WASHC4: variants seen among roughly 807,000 people sequenced by gnomAD.
WASHC4 encodes the protein WASH complex subunit 7.
Under a neutral mutation model 166.6 loss-of-function variants are expected in WASHC4, and 86 were observed. The observed-to-expected ratio is 0.52, with a 90% CI of 0.43 to 0.62. WASHC4 has a LOEUF of 0.62. Ranked by LOEUF, WASHC4 falls within the 20% of genes least tolerant of loss-of-function variation. The pLI, the probability that WASHC4 is intolerant of heterozygous loss-of-function variation, is 0.00. For synonymous variants in WASHC4, 446 were observed against 451.6 expected (o/e 0.99, Z 0.16); for missense variants, 1,262 against 1,382.4 (o/e 0.91, Z 1.38).
At chr12:105,149,830 G>T (rs972568449) in intron 25 of WASHC4, 81 bp downstream of exon 25, 4 of 1,362,866 alleles carry the variant, frequency 2.9e-6, no homozygotes, top group African/African-American at 2.9e-5. Context: ...TCATTATTTA[G>T]ATCTCTATTG....
Position 105,126,279 on chromosome 12 carries a change from T to G in WASHC4, c.955T>G (p.Cys319Gly), listed in dbSNP as rs1191451750. 1 of 1,611,664 alleles carries G rather than the reference T, an allele frequency of 6.2e-7. No individual in the cohort carries two copies. ...IDQRDKYVGI[C>G]GLFVLHFQIF... ...CCAGAGAGACAAGTATGTTGGAATT[T>G]GTGGACTCTTTGTATTGCACTTTCA... is the stretch of plus-strand genomic sequence containing the variant. Residue 319 changes from cysteine (C) to glycine (G), a missense_variant, in exon 12 of 33, where the codon TGT (cysteine) becomes GGT (glycine). Physicochemically the swap from Cys to Gly is radical, Grantham distance 159. Transcript: ENST00000332180.
intron 10 of WASHC4, among the ~76,000 whole-genome samples, chr12:105,124,221 G>A (rs1292960739): frequency 1.3e-5 from 2 of 149,790 alleles, no homozygotes; most frequent in Non-Finnish European, 3.0e-5. Context: ...ACGGGTTCAA[G>A]CAATTCTCCT....
intron 24 of WASHC4, chr12:105,148,205 A>G: frequency 1.0e-6 from 1 of 985,284 alleles, no homozygotes; most frequent in Non-Finnish European, 1.2e-6. Flanking sequence ...GCTCCATTAT[A>G]GTGGGGTTAT....
chr12:105,160,105 A>G lies in WASHC4; in HGVS notation c.3017A>G (p.Lys1006Arg). 6.2e-7 allele frequency: 1 copy of G among 1,613,898 alleles called. No individual in the cohort carries two copies. The highest frequency in any genetic ancestry group is 8.5e-7 in the Non-Finnish European group (1 of 1,179,756). ...TTTGCTCCAGAATTTCGAAGGCCAAAGAATATACATCTCCGAAATTTCTAT... is the reference window on the plus strand; with the variant it reads ...TTTGCTCCAGAATTTCGAAGGCCAAGGAATATACATCTCCGAAATTTCTAT... ...DVFAPEFRRP[K>R]NIHLRNFYII... Residue 1006 changes from lysine to arginine, a missense_variant, in exon 29 of 33, where the codon AAG becomes AGG. Transcript: ENST00000332180.
chr12:105,108,204 T>C (rs111860686), intron 1 of WASHC4, among the ~76,000 whole-genome samples: 13 of 152,204 alleles, frequency 8.5e-5, no homozygotes, highest in African/African-American at 2.7e-4. Flanking sequence ...CCCAGGCTGC[T>C]TCTGTCTCTG....
intron 15 of WASHC4, 126 bp from the exon 16 acceptor site, chr12:105,140,168 G>A: frequency 1.3e-6 from 1 of 740,980 alleles, no homozygotes; most frequent in Non-Finnish European, 2.4e-6. Flanking sequence ...ACCACGCCAG[G>A]ACTGTAAGGT....
chr12:105,149,762 T>C lies in WASHC4; in HGVS notation c.2649+13T>C. ...AAATGATCATAAGGTAGGCTACCTA[T>C]TCTTTTTAAGGTATTTGATTAAGCT... is the stretch of plus-strand genomic sequence containing the variant. On this transcript the variant is annotated intron_variant, in intron 25 of 32. Coordinates refer to ENST00000332180, the MANE Select transcript of WASHC4 (RefSeq NM_015275.3). 1.3e-6 allele frequency: 2 copies of C among 1,588,410 alleles called. No individual in the cohort carries two copies. Among genetic ancestry groups the C allele is most frequent in the South Asian group, 2.3e-5 (2 of 88,198 alleles).
At chr12:105,148,633 A>G in intron 24 of WASHC4, 3 of 985,374 alleles carry the variant, frequency 3.0e-6, no homozygotes, top group Non-Finnish European at 3.6e-6. Flanking sequence ...AACAGAAAAA[A>G]CAAGGAGAGA....
At chr12:105,126,832 A>G (rs1221734103) in intron 12 of WASHC4, among the ~76,000 whole-genome samples, 1 of 152,102 alleles carries the variant, frequency 6.6e-6, no homozygotes, top group Non-Finnish European at 1.5e-5. Flanking sequence ...ACTAAAAGAC[A>G]TGAAGATTCA....
chr12:105,107,760 A>T lies in WASHC4; in HGVS notation c.-41A>T. 2.0e-6 allele frequency: 3 copies of T among 1,485,812 alleles called. No individual in the cohort carries two copies. The highest frequency in any genetic ancestry group is 2.8e-6 in the Non-Finnish European group (3 of 1,090,416). 92.0% of individuals were successfully genotyped at this position (1,485,812 alleles called of 1,614,324 possible). On this transcript the variant is annotated 5_prime_UTR_variant, in exon 1 of 33. Coordinates refer to ENST00000332180, the MANE Select transcript of WASHC4 (RefSeq NM_015275.3). ...GCTGGGGTGAGGCCGTCGTCGCCGCACGGGCTGGTTGGGGCTGTGTCTGTG... is the reference window on the plus strand; with the variant it reads ...GCTGGGGTGAGGCCGTCGTCGCCGCTCGGGCTGGTTGGGGCTGTGTCTGTG...
intron 13 of WASHC4, 23 bp downstream of exon 13, chr12:105,127,312 A>C: frequency 6.7e-7 from 1 of 1,484,624 alleles, no homozygotes; most frequent in Non-Finnish European, 9.4e-7. Context: ...AACAAGTATA[A>C]TGAAAATATT....
intron 14 of WASHC4, among the ~76,000 whole-genome samples, chr12:105,134,776 GT>G (rs571351325): frequency 3.4e-5 from 5 of 148,318 alleles, no homozygotes; most frequent in South Asian, 2.1e-4. Context: ...GATAATCTTT[GT>G]TTTTTTTTCT....
At chr12:105,137,143 T>C (rs953275597) in intron 14 of WASHC4, among the ~76,000 whole-genome samples, 17 of 151,402 alleles carry the variant, frequency 1.1e-4, no homozygotes, top group African/African-American at 4.1e-4. Flanking sequence ...CCCTTTTGGG[T>C]TTAAATGAAA....
At chr12:105,109,084 C>T (rs890174971) in intron 1 of WASHC4, among the ~76,000 whole-genome samples, 11 of 152,066 alleles carry the variant, frequency 7.2e-5, no homozygotes, top group African/African-American at 2.4e-4. Context: ...TGCAGTGAGC[C>T]GAGATCGCGC....
chr12:105,163,902 T>C (rs561060213), intron 30 of WASHC4, among the ~76,000 whole-genome samples: 2 of 152,340 alleles, frequency 1.3e-5, no homozygotes, highest in South Asian at 4.1e-4. Context: ...TCTTTAGTTA[T>C]ACTTCTACAT....
rs541619531 is a variant in WASHC4 at position 105,159,601 on chromosome 12, T to C, written c.2913-400T>C. On this transcript the variant is annotated intron_variant, in intron 28 of 32. Transcript: ENST00000332180. ...TGCAGGAGAAAAAGCAGCTGATGTT[T>C]TTGAAGGTTGAGAGGGAAACTGAGT... Among the ~76,000 whole-genome samples the C allele has an allele frequency of 2.1e-4, 30 of 143,316 alleles. No individual in the cohort carries two copies. In the South Asian group the frequency reaches 7.0e-3, roughly 33 times the overall value. The allele number at this position is 143,316 out of a possible 152,430, so 94.0% of individuals were successfully genotyped here.
chr12:105,150,319 G>A (rs1883640973), intron 25 of WASHC4, among the ~76,000 whole-genome samples: 1 of 152,136 alleles, frequency 6.6e-6, no homozygotes, highest in Non-Finnish European at 1.5e-5. Flanking sequence ...CTTACAAACA[G>A]TGCTGCAGTA....
intron 13 of WASHC4, among the ~76,000 whole-genome samples, chr12:105,129,207 C>G (rs2135758626): frequency 6.6e-6 from 1 of 152,102 alleles, no homozygotes; most frequent in South Asian, 2.1e-4. Flanking sequence ...GCCTCCCAAA[C>G]TGCTGGGATT....
At chr12:105,137,786 A>G (rs987989869) in intron 14 of WASHC4, 100 bp from the exon 15 acceptor site, 14 of 965,564 alleles carry the variant, frequency 1.4e-5, no homozygotes, top group African/African-American at 3.3e-5. Context: ...CTTTAGAAAC[A>G]TTAGTTATTG....
Sources: allele counts gnomAD v4.1 joint callset (sites outside exome capture counted in the v4.1 genomes callset), GRCh38; gene constraint gnomAD v4.1.1; transcripts MANE v1.5; gene names NCBI Gene and HGNC (gene_info 2026-07-23, HGNC 2026-07-21).